Variants in ATXN2 observed in about 807,000 individuals in gnomAD.
ATXN2 encodes the protein ataxin 2.
A neutral mutation model predicts 138.6 loss-of-function variants in ATXN2; 37 were observed. The ratio of observed to expected loss-of-function variants is 0.27; its 90% confidence interval spans 0.21 to 0.35. The LOEUF (loss-of-function observed/expected upper bound fraction) is 0.35, where lower values mean the gene tolerates loss of function less well. Ranked by LOEUF, ATXN2 falls within the 10% of genes least tolerant of loss-of-function variation. The pLI is 1.00. For synonymous variants in ATXN2, 549 were observed against 543.7 expected, an observed-to-expected ratio of 1.01 and a Z score of -0.13; for missense variants, 1,216 against 1,480.3, an observed-to-expected ratio of 0.82 and a Z score of 2.93.
intron 14 of ATXN2, among the ~76,000 whole-genome samples, chr12:111,501,462 A>C (rs1878756480): frequency 6.6e-6 from 1 of 152,210 alleles, no homozygotes; most frequent in African/African-American, 2.4e-5. Context: ...ACAGCCAAAA[A>C]GGTTGCCTTA....
At chr12:111,521,994 G>A (rs1215363449) in intron 6 of ATXN2, among the ~76,000 whole-genome samples, 2 of 152,160 alleles carry the variant, frequency 1.3e-5, no homozygotes, top group Non-Finnish European at 2.9e-5. Context: ...GTCCAGTAAA[G>A]GTTGTAATCC....
At position 111,453,885 on chromosome 12, in the gene ATXN2, C is replaced by A. The variant is rs1443753073; in HGVS notation, c.3271-40G>T. 2 of 1,561,322 alleles carry A rather than the reference C, an allele frequency of 1.3e-6. No individual in the cohort carries two copies. The highest frequency in any genetic ancestry group is 1.2e-5 in the South Asian group (1 of 83,996). On this transcript the variant is annotated intron_variant, in intron 23 of 24. Coordinates refer to ENST00000673436, the MANE Select transcript of ATXN2 (RefSeq NM_001372574.1). This position sits in a 1 kb window ranked among gnomAD's most constrained non-coding sequence, Gnocchi z 5.4. ...TCTTTTACGCATACAGGCAACATCT[C>A]CGGCTTCAACAACATGTCAACTGTG... is the stretch of plus-strand genomic sequence containing the variant.
chr12:111,516,074 G>C lies in ATXN2; in HGVS notation c.1375+80C>G. Reference sequence around the variant, plus strand: ...ATTATAGGTTATTAAATAATGAAGAGGAAACTATTTTGTAATTATAAACTC... The same window carrying C: ...ATTATAGGTTATTAAATAATGAAGACGAAACTATTTTGTAATTATAAACTC... On this transcript the variant is annotated intron_variant, in intron 10 of 24. Transcript: ENST00000673436. This position sits in a 1 kb window ranked among gnomAD's most constrained non-coding sequence, Gnocchi z 5.0. 7.6e-7 allele frequency: 1 copy of C among 1,307,504 alleles called. No individual in the cohort carries two copies. The highest frequency in any genetic ancestry group is 2.6e-5 in the Admixed American group (1 of 37,966). The allele number at this position is 1,307,504 out of a possible 1,614,324, so 81.0% of individuals were successfully genotyped here.
chr12:111,457,588 T>C, intron 21 of ATXN2: 1 of 406,856 alleles, frequency 2.5e-6, no homozygotes. Flanking sequence ...ACATATGATA[T>C]TAAAATCAAA....
chr12:111,552,999 A>T lies in ATXN2; in HGVS notation c.349-22T>A. The T allele has an allele frequency of 6.7e-7, 1 of 1,487,646 alleles. No homozygotes were observed. The highest frequency in any genetic ancestry group is 2.4e-5 in the East Asian group (1 of 41,270). 92.2% of individuals were successfully genotyped at this position (1,487,646 alleles called of 1,614,324 possible). On this transcript the variant is annotated intron_variant, in intron 3 of 24. Coordinates refer to ENST00000673436, the MANE Select transcript of ATXN2 (RefSeq NM_001372574.1). The surrounding 1 kb of genome is among the most constrained non-coding windows in gnomAD (Gnocchi z 4.1). ...AGCCCTAAAAACATATAATTTATTTATCAAAGAAACAGTATACTACCCGGT... is the reference window on the plus strand; with the variant it reads ...AGCCCTAAAAACATATAATTTATTTTTCAAAGAAACAGTATACTACCCGGT...
intron 1 of ATXN2, among the ~76,000 whole-genome samples, chr12:111,560,995 C>T (rs568066275): frequency 3.3e-5 from 5 of 152,150 alleles, no homozygotes; most frequent in Non-Finnish European, 5.9e-5. Flanking sequence ...GAGGCCAAGG[C>T]GGGCTGAAAC....
At chr12:111,492,384 CT>C (rs1287461795) in intron 14 of ATXN2, among the ~76,000 whole-genome samples, 1 of 152,126 alleles carries the variant, frequency 6.6e-6, no homozygotes, top group Non-Finnish European at 1.5e-5. Flanking sequence ...CTTGAAAAAC[CT>C]TCTCAAGAAG....
intron 1 of ATXN2, 70 bp from the exon 2 acceptor site, chr12:111,555,989 A>T (rs1882367329): frequency 8.1e-7 from 1 of 1,232,858 alleles, no homozygotes; most frequent in South Asian, 1.4e-5. Flanking sequence ...TTCCAAACTT[A>T]AAATATAATT....
At chr12:111,545,987 C>T (rs930054501) in intron 5 of ATXN2, among the ~76,000 whole-genome samples, 6 of 149,362 alleles carry the variant, frequency 4.0e-5, no homozygotes, top group African/African-American at 9.9e-5. Flanking sequence ...AAAGATGGCA[C>T]GGAGGAAGAA....
chr12:111,452,773 G>A lies in ATXN2; in HGVS notation c.*39C>T, dbSNP rs1374158325. Reference sequence around the variant, plus strand: ...TCCAGTTGGTAGAAGCAGTAGAAGGGAGGAGGGAATTTGGCCTTTCGGTTC... The same window carrying A: ...TCCAGTTGGTAGAAGCAGTAGAAGGAAGGAGGGAATTTGGCCTTTCGGTTC... On this transcript the variant is annotated 3_prime_UTR_variant, in exon 25 of 25. Transcript: ENST00000673436. The A allele has an allele frequency of 6.3e-7, 1 of 1,585,564 alleles. No homozygotes were observed. Among genetic ancestry groups the A allele is most frequent in the East Asian group, 2.2e-5 (1 of 44,744 alleles).
rs1413135367 is a variant in ATXN2, at chr12:111,599,220, C to A, written c.-186G>T. On this transcript the variant is annotated 5_prime_UTR_variant, in exon 1 of 25. Transcript: ENST00000673436. ...AGGACGACGAAGGGGCGGGGAGGCC[C>A]GCCGAGACCAAGGAGCCGCCGGGAG... is the stretch of plus-strand genomic sequence containing the variant. The A allele has an allele frequency of 7.5e-6, 9 of 1,199,836 alleles. No individual in the cohort carries two copies. In the South Asian group the frequency reaches 2.5e-4, roughly 33 times the overall value. The allele number at this position is 1,199,836 out of a possible 1,614,324, so 74.3% of individuals were successfully genotyped here.
In ATXN2 at chr12:111,552,606, C is replaced by T; in HGVS notation, c.421-176G>A. On this transcript the variant is annotated intron_variant, in intron 4 of 24. Coordinates refer to ENST00000673436, the MANE Select transcript of ATXN2 (RefSeq NM_001372574.1). The surrounding 1 kb of genome is among the most constrained non-coding windows in gnomAD (Gnocchi z 4.1). ...TTATCCATTCCATCATTTAAAAATC[C>T]TCATATCTAAATGTTTTTTGTTTCT... The T allele has an allele frequency of 1.5e-6, 1 of 672,274 alleles. No homozygotes were observed. Among genetic ancestry groups the T allele is most frequent in the South Asian group, 2.6e-5 (1 of 38,754 alleles). The allele number at this position is 672,274 out of a possible 1,614,324, so 41.6% of individuals were successfully genotyped here.
chr12:111,453,696 G>A lies in ATXN2; in HGVS notation c.3420C>T (p.Pro1140=), dbSNP rs1247210030. 1.2e-6 allele frequency: 2 copies of A among 1,610,706 alleles called. No individual in the cohort carries two copies. The highest frequency in any genetic ancestry group is 1.7e-6 in the Non-Finnish European group (2 of 1,178,290). ...CCTCACCTGAAGGGTGCGTCATATAGGGGAAATGCGCTGTTGTCGAGACTG... is the reference window on the plus strand; with the variant it reads ...CCTCACCTGAAGGGTGCGTCATATAAGGGAAATGCGCTGTTGTCGAGACTG... The part of the protein sequence containing the change: ...PIPVSTTAHF[P]YMTHPSVQAH... Residue 1140 remains proline (P), a synonymous_variant, in exon 24 of 25, where the codon CCC becomes CCT. Coordinates refer to ENST00000673436, the MANE Select transcript of ATXN2 (RefSeq NM_001372574.1). This position sits in a 1 kb window ranked among gnomAD's most constrained non-coding sequence, Gnocchi z 5.4.
At chr12:111,584,626 T>A (rs1212798682) in intron 1 of ATXN2, among the ~76,000 whole-genome samples, 2 of 151,728 alleles carry the variant, frequency 1.3e-5, no homozygotes, top group Admixed American at 1.3e-4. Flanking sequence ...GGTCAAGAGA[T>A]CAAGACTATC....
chr12:111,552,184 A>T lies in ATXN2; in HGVS notation c.571+96T>A. 7.5e-7 allele frequency: 1 copy of T among 1,335,062 alleles called. No individual in the cohort carries two copies. Among genetic ancestry groups the T allele is most frequent in the Non-Finnish European group, 1.0e-6 (1 of 993,418 alleles). The allele number at this position is 1,335,062 out of a possible 1,614,324, so 82.7% of individuals were successfully genotyped here. ...GAATGAGCCGCCATACCCAGCCCAG[A>T]TATTTCTTTAAAAAAAGTTTGTAAG... On this transcript the variant is annotated intron_variant, in intron 5 of 24. Coordinates refer to ENST00000673436, the MANE Select transcript of ATXN2 (RefSeq NM_001372574.1). This position sits in a 1 kb window ranked among gnomAD's most constrained non-coding sequence, Gnocchi z 4.1.
intron 6 of ATXN2, among the ~76,000 whole-genome samples, chr12:111,522,588 C>A (rs564729926): frequency 1.3e-5 from 2 of 151,248 alleles, no homozygotes; most frequent in South Asian, 2.1e-4. Flanking sequence ...CAAGTCTGGG[C>A]GACAGAGCGA....
Position 111,453,798 on chromosome 12 carries a change from C to A in ATXN2, c.3318G>T (p.Ala1106=), listed in dbSNP as rs905379933. The A allele has an allele frequency of 2.5e-6, 4 of 1,613,842 alleles. No individual in the cohort carries two copies. The highest frequency in any genetic ancestry group is 1.7e-5 in the Admixed American group (1 of 59,950). The part of the protein sequence containing the change: ...GMVPSHPTAH[A]PMMLMTTQPP... ...GCTGTGTCGTCATTAGCATCATTGG[C>A]GCATGGGCAGTTGGATGAGAAGGAA... Residue 1106 remains alanine, a synonymous_variant, in exon 24 of 25, where the codon GCG becomes GCT. Coordinates refer to ENST00000673436, the MANE Select transcript of ATXN2 (RefSeq NM_001372574.1). The surrounding 1 kb of genome is among the most constrained non-coding windows in gnomAD (Gnocchi z 5.4).
chr12:111,502,241 A>G (rs11065932), intron 14 of ATXN2, among the ~76,000 whole-genome samples: 15,559 of 152,146 alleles, frequency 0.1, 2,660 homozygotes, highest in African/African-American at 0.35. Flanking sequence ...TCTTCACAAC[A>G]GCCCTATTTG....
chr12:111,548,842 T>C (rs930731306), intron 5 of ATXN2, among the ~76,000 whole-genome samples: 1 of 152,098 alleles, frequency 6.6e-6, no homozygotes, highest in African/African-American at 2.4e-5. Flanking sequence ...CCTCAGCCTC[T>C]CCCCAAGTAG....
Sources: gnomAD v4.1 joint callset for allele counts (sites outside exome capture counted in the v4.1 genomes callset) on GRCh38, gnomAD v4.1.1 for gene constraint, Gnocchi (gnomAD v3.1) non-coding constraint, MANE v1.5 for transcripts, NCBI Gene and HGNC (gene_info 2026-07-23, HGNC 2026-07-21) for gene names.